ADAMTS13: variants seen among roughly 807,000 people sequenced by gnomAD.
The protein encoded by ADAMTS13 is ADAM metallopeptidase with thrombospondin type 1 motif 13.
ADAMTS13 carries 110 observed loss-of-function variants against 155.1 expected under a neutral mutation model. The observed-to-expected ratio is 0.71, with a 90% CI of 0.61 to 0.83. The LOEUF (loss-of-function observed/expected upper bound fraction) is 0.83. Ranked by LOEUF, ADAMTS13 falls within the 40% of genes least tolerant of loss-of-function variation. The probability of loss-of-function intolerance (pLI) is 0.00; values close to 1 mark genes in which losing one functional copy is unlikely to be tolerated. For missense variants in ADAMTS13, 1,707 were observed against 1,891.7 expected, an observed-to-expected ratio of 0.90 and a Z score of 1.81; for synonymous variants, 758 against 756.4, an observed-to-expected ratio of 1.00 and a Z score of -0.03.
intron 23 of ADAMTS13, among the ~76,000 whole-genome samples, 175 bp from the exon 24 acceptor site, chr9:133,454,240 G>A (rs1842608419): frequency 6.6e-6 from 1 of 152,200 alleles, no homozygotes; most frequent in African/African-American, 2.4e-5. Context: ...CTCTCCTGTG[G>A]CCGTGAGCCC....
chr9:133,417,804 C>T (rs782130974), upstream of ADAMTS13: 2 of 1,607,066 alleles, frequency 1.2e-6, no homozygotes, highest in Non-Finnish European at 1.7e-6. Context: ...CACGGGGCTG[C>T]TCGGGGCGCG....
At chr9:133,449,371 C>T (rs2769074) in intron 22 of ADAMTS13, among the ~76,000 whole-genome samples, 13,612 of 129,908 alleles carry the variant, frequency 0.1, 665 homozygotes, top group Middle Eastern at 0.16. Flanking sequence ...ATAGGACAGG[C>T]GGGGAATGCA....
chr9:133,442,382 A>C lies in ADAMTS13; in HGVS notation c.1969-17A>C. 1 of 1,613,868 alleles carries C rather than the reference A, an allele frequency of 6.2e-7. No homozygotes were observed. The highest frequency in any genetic ancestry group is 8.5e-7 in the Non-Finnish European group (1 of 1,180,032). On this transcript the variant is annotated splice_polypyrimidine_tract_variant and intron_variant, in intron 16 of 28. Transcript: ENST00000355699. ...CAGGGAACCCACTGGACAAGGCCTGAAGCTCTTTGTCTGCAGGTTTACAGG... is the reference window on the plus strand; with the variant it reads ...CAGGGAACCCACTGGACAAGGCCTGCAGCTCTTTGTCTGCAGGTTTACAGG...
Position 133,437,898 on chromosome 9 carries a change from G to A in ADAMTS13, c.1584+1G>A. On this transcript the variant is annotated splice_donor_variant, in intron 13 of 28. Coordinates refer to ENST00000355699, the MANE Select transcript of ADAMTS13 (RefSeq NM_139027.6). LOFTEE classifies it high-confidence loss of function. ...CCTGTGTGTGTCGGGCAGCTGCAGG[G>A]TAGGCGTGTGTGGACATTGGCGATG... 6.2e-7 allele frequency: 1 copy of A among 1,613,450 alleles called. No individual in the cohort carries two copies. The highest frequency in any genetic ancestry group is 8.5e-7 in the Non-Finnish European group (1 of 1,179,920).
upstream of ADAMTS13, among the ~76,000 whole-genome samples, chr9:133,420,767 C>G (rs371468069): frequency 6.6e-6 from 1 of 152,152 alleles, no homozygotes. Flanking sequence ...AACTTGGGAT[C>G]CATCAAGAAG....
intron 25 of ADAMTS13, 157 bp from the exon 26 acceptor site, chr9:133,455,912 C>T: frequency 1.0e-6 from 1 of 969,174 alleles, no homozygotes; most frequent in South Asian, 1.4e-5. Flanking sequence ...CTGACCTATG[C>T]AGCCCCCCTC....
chr9:133,429,998 A>AC lies in ADAMTS13; in HGVS notation c.887dup (p.Pro297AlafsTer93). 1.3e-6 allele frequency: 2 copies of AC among 1,564,324 alleles called. No individual in the cohort carries two copies. Among genetic ancestry groups the AC allele is most frequent in the Non-Finnish European group, 1.7e-6 (2 of 1,159,980 alleles). On this transcript the variant is annotated frameshift_variant, in exon 8 of 29. Coordinates refer to ENST00000355699, the MANE Select transcript of ADAMTS13 (RefSeq NM_139027.6). LOFTEE classifies it high-confidence loss of function. ...CGGCCTCAACCCGGGTCCGCGGGGC[A>AC]CCCGCCGGATGCGCAGCCTGGCCTC... is the stretch of plus-strand genomic sequence containing the variant.
At position 133,454,423 on chromosome 9, in the gene ADAMTS13, T is replaced by G; in HGVS notation, c.3053T>G (p.Val1018Gly). Residue 1018 changes from valine (V) to glycine (G), a missense_variant, in exon 24 of 29, where the codon GTC (valine) becomes GGC (glycine). Physicochemically the swap from Val to Gly is moderately radical, Grantham distance 109 (BLOSUM62 -3). Coordinates refer to ENST00000355699, the MANE Select transcript of ADAMTS13 (RefSeq NM_139027.6). ...GTCTTCTCTTCCTGCAGGTGGAAAG[T>G]CATGTCCCTTGGCCCATGTTCGGCC... ...SLEPCPPRWKVMSLGPCSASC... is the reference protein window; with the variant it reads ...SLEPCPPRWKGMSLGPCSASC... 1 of 1,613,838 alleles carries G rather than the reference T, an allele frequency of 6.2e-7. No homozygotes were observed. The highest frequency in any genetic ancestry group is 8.5e-7 in the Non-Finnish European group (1 of 1,180,010).
intron 25 of ADAMTS13, 146 bp downstream of exon 25, chr9:133,455,581 C>G: frequency 6.2e-7 from 1 of 1,604,962 alleles, no homozygotes; most frequent in Non-Finnish European, 8.5e-7. Context: ...TGCCCGGGCC[C>G]CAGGAAAACT....
At chr9:133,427,140 T>C (rs1271552944) in intron 6 of ADAMTS13, among the ~76,000 whole-genome samples, 1 of 152,236 alleles carries the variant, frequency 6.6e-6, no homozygotes, top group African/African-American at 2.4e-5. Context: ...AGGATTTACC[T>C]GTTCTTTATG....
chr9:133,414,609 G>A, exon 1 of ADAMTS13: 1 of 1,502,992 alleles, frequency 6.7e-7, no homozygotes, highest in Non-Finnish European at 9.3e-7. Flanking sequence ...TAAGGAGACA[G>A]GCCTTGGTGA....
intron 17 of ADAMTS13, 21 bp downstream of exon 17, chr9:133,442,555 A>T: frequency 6.2e-7 from 1 of 1,613,474 alleles, no homozygotes; most frequent in Admixed American, 1.7e-5. Flanking sequence ...GGGAAGGCTC[A>T]TCCACAGCAC....
chr9:133,437,886 G>C lies in ADAMTS13; in HGVS notation c.1573G>C (p.Gly525Arg). Residue 525 changes from glycine to arginine, a missense_variant, in exon 13 of 29, where the codon GGC becomes CGC. By Grantham distance (125) the Gly-to-Arg change is moderately radical (BLOSUM62 -2). Transcript: ENST00000355699. ...EDGTLSLCVSGSCRTFGCDGR... is the reference protein window; with the variant it reads ...EDGTLSLCVSRSCRTFGCDGR... ...CGGGACCCTGAGCCTGTGTGTGTCG[G>C]GCAGCTGCAGGGTAGGCGTGTGTGG... 1 of 1,613,606 alleles carries C rather than the reference G, an allele frequency of 6.2e-7. No homozygotes were observed. Among genetic ancestry groups the C allele is most frequent in the Middle Eastern group, 1.6e-4 (1 of 6,062 alleles).
Position 133,440,105 on chromosome 9 carries a change from GCCATGGGGTC to G in ADAMTS13, c.1787-236_1787-227del, listed in dbSNP as rs1841550933. 6.6e-6 allele frequency among the ~76,000 whole-genome samples: 1 copy of G among 152,270 alleles called. No homozygotes were observed. Among genetic ancestry groups the G allele is most frequent in the Admixed American group, 6.5e-5 (1 of 15,292 alleles). ...TTTGAAGCCTTGGTTGCCGGCACTTGCCATGGGGTCCCTGAGCCCTGAGCCTGTTGAGTTC... is the reference window on the plus strand; with the variant it reads ...TTTGAAGCCTTGGTTGCCGGCACTTGCCTGAGCCCTGAGCCTGTTGAGTTC... On this transcript the variant is annotated intron_variant, in intron 15 of 28. Coordinates refer to ENST00000355699, the MANE Select transcript of ADAMTS13 (RefSeq NM_139027.6). The surrounding 1 kb of genome is among the most constrained non-coding windows in gnomAD (Gnocchi z 4.3).
At chr9:133,448,386 A>G (rs1554793194) in intron 21 of ADAMTS13, among the ~76,000 whole-genome samples, 1 of 152,180 alleles carries the variant, frequency 6.6e-6, no homozygotes, top group African/African-American at 2.4e-5. Flanking sequence ...AATCTTTATA[A>G]ATGATTCTGC....
At chr9:133,428,899 A>ACCCACCCCTCCGT (rs1554786097) in intron 7 of ADAMTS13, 128 bp downstream of exon 7, 1 of 992,672 alleles carries the variant, frequency 1.0e-6, no homozygotes, top group Non-Finnish European at 1.2e-6. Context: ...CCTCCGTCCA[A>ACCCACCCCTCCGT]CCCACCCCTC....
rs1840211201 is a variant in ADAMTS13 at position 133,425,385 on chromosome 9, C to T, written c.331-144C>T. 6.1e-6 allele frequency: 4 copies of T among 660,614 alleles called. No homozygotes were observed. The highest frequency in any genetic ancestry group is 2.7e-5 in the East Asian group (1 of 36,556). 40.9% of individuals were successfully genotyped at this position (660,614 alleles called of 1,614,324 possible). ...CTGACTGTGCAGCACATTTTAGGAG[C>T]CCCCCGCCCCGCCCGGTTCCCACAC... On this transcript the variant is annotated intron_variant, in intron 3 of 28. Transcript: ENST00000355699. The surrounding 1 kb of genome is among the most constrained non-coding windows in gnomAD (Gnocchi z 4.6).
intron 6 of ADAMTS13, 116 bp from the exon 7 acceptor site, chr9:133,428,518 C>T: frequency 1.7e-6 from 1 of 591,118 alleles, no homozygotes; most frequent in Non-Finnish European, 2.3e-6. Context: ...TCGGAAAACT[C>T]GCTGGCGCTG....
Position 133,456,656 on chromosome 9 carries a change from C to T in ADAMTS13, c.3661C>T (p.Arg1221Trp), listed in dbSNP as rs140450669. ...GCTGGTGGTGAGGCAGCGCTGCGGG[C>T]GGCCAGGAGGTGGGGTGCTGCTGCG... ...NTLVVRQRCG[R>W]PGGGVLLRYG... Residue 1221 changes from arginine to tryptophan, a missense_variant, in exon 27 of 29, where the codon CGG becomes TGG. Transcript: ENST00000355699. The surrounding 1 kb of genome is among the most constrained non-coding windows in gnomAD (Gnocchi z 4.4). The T allele has an allele frequency of 1.5e-5, 24 of 1,602,578 alleles. 1 individual carries two copies. In the Middle Eastern group the frequency reaches 1.1e-3, roughly 70 times the overall value.
Sources: allele counts gnomAD v4.1 joint callset (sites outside exome capture counted in the v4.1 genomes callset), GRCh38; gene constraint gnomAD v4.1.1; non-coding constraint Gnocchi (gnomAD v3.1); transcripts MANE v1.5; gene names NCBI Gene and HGNC (gene_info 2026-07-23, HGNC 2026-07-21).